The following LSM4 variants were observed in gnomAD, a reference collection of about 807,000 sequenced individuals.
LSM4 encodes the protein U6 snRNA-associated Sm-like protein LSm4.
LSM4 carries 15 observed loss-of-function variants against 22.3 expected under a neutral mutation model. That is an observed-to-expected ratio of 0.67 (90% CI 0.45 to 1.03). The LOEUF is 1.03. Ranked by LOEUF, LSM4 falls within the 50% of genes least tolerant of loss-of-function variation. LSM4 has a pLI of 0.00. For missense variants in LSM4, 127 were observed against 198.0 expected, an observed-to-expected ratio of 0.64 and a Z score of 2.15; for synonymous variants, 90 against 79.8, an observed-to-expected ratio of 1.13 and a Z score of -0.68.
Position 18,307,318 on chromosome 19 carries a change from G to A in LSM4, c.*146C>T. 3.8e-6 allele frequency: 2 copies of A among 527,810 alleles called. No individual in the cohort carries two copies. Among genetic ancestry groups the A allele is most frequent in the Non-Finnish European group, 3.1e-6 (1 of 327,640 alleles). The allele number at this position is 527,810 out of a possible 1,614,324, so 32.7% of individuals were successfully genotyped here. A position where few individuals can be genotyped will look rare whatever the true frequency, so the allele number is the denominator to read the frequency against. Reference sequence around the variant, plus strand: ...TTGCCGGTTTTAGCAAGAAAAAGGGGCTTCACCTAAAAGGGAGGGTCACAA... The same window carrying A: ...TTGCCGGTTTTAGCAAGAAAAAGGGACTTCACCTAAAAGGGAGGGTCACAA... On this transcript the variant is annotated 3_prime_UTR_variant, in exon 5 of 5. Coordinates refer to ENST00000593829, the MANE Select transcript of LSM4 (RefSeq NM_012321.5).
At chr19:18,320,366 GT>G (rs1443758110) in intron 1 of LSM4, among the ~76,000 whole-genome samples, 3 of 152,150 alleles carry the variant, frequency 2.0e-5, no homozygotes, top group Non-Finnish European at 4.4e-5. Context: ...AATTAGCCAG[GT>G]TTAGTGATGC....
At position 18,307,047 on chromosome 19, in the gene LSM4, C is replaced by T. The variant is rs765698529; in HGVS notation, c.*417G>A. The T allele has an allele frequency of 4.7e-5, 8 of 168,472 alleles. No homozygotes were observed. The highest frequency in any genetic ancestry group is 2.0e-4 in the South Asian group (1 of 5,044). The allele number at this position is 168,472 out of a possible 1,614,324, so 10.4% of individuals were successfully genotyped here. ...TTTTGAAGGCAATTTTGGGGCCGCG[C>T]CCAAGGAAACCCTGCAGGCTGTCAG... is the stretch of plus-strand genomic sequence containing the variant. On this transcript the variant is annotated 3_prime_UTR_variant, in exon 5 of 5. Transcript: ENST00000593829.
At chr19:18,315,834 A>T (rs1970348792) in intron 2 of LSM4, among the ~76,000 whole-genome samples, 190 bp downstream of exon 2, 1 of 151,988 alleles carries the variant, frequency 6.6e-6, no homozygotes, top group African/African-American at 2.4e-5. Flanking sequence ...TTAAATTTTT[A>T]GTAAGTATGT....
chr19:18,310,561 C>T (rs1004887606), intron 3 of LSM4, among the ~76,000 whole-genome samples: 3 of 152,176 alleles, frequency 2.0e-5, no homozygotes, highest in African/African-American at 7.2e-5. Context: ...TGCTGCAATG[C>T]CTCCGAGGCC....
At chr19:18,313,138 G>C (rs1970316935) in intron 2 of LSM4, among the ~76,000 whole-genome samples, 1 of 152,212 alleles carries the variant, frequency 6.6e-6, no homozygotes, top group Non-Finnish European at 1.5e-5. Context: ...AGAACTGTTT[G>C]AACCCAGGAG....
intron 1 of LSM4, among the ~76,000 whole-genome samples, chr19:18,316,983 G>A (rs543011400): frequency 5.9e-5 from 9 of 152,130 alleles, no homozygotes; most frequent in African/African-American, 1.4e-4. Flanking sequence ...TGCTGGGCAC[G>A]GTGGTGCGCA....
chr19:18,315,401 T>C (rs1471682250), intron 2 of LSM4, among the ~76,000 whole-genome samples: 1 of 152,180 alleles, frequency 6.6e-6, no homozygotes, highest in Non-Finnish European at 1.5e-5. Flanking sequence ...TCCTCTAGCC[T>C]CAGCCTCCCA....
chr19:18,309,566 G>T, intron 4 of LSM4, 112 bp downstream of exon 4: 1 of 1,200,714 alleles, frequency 8.3e-7, no homozygotes, highest in Non-Finnish European at 1.1e-6. Flanking sequence ...GGGGGGCCCG[G>T]GAGGGTTGGG....
chr19:18,312,269 T>A, intron 3 of LSM4: 1 of 262,622 alleles, frequency 3.8e-6, no homozygotes, highest in East Asian at 9.6e-5. Flanking sequence ...CAGGCTGGAC[T>A]AAAGGCAGCA....
intron 1 of LSM4, among the ~76,000 whole-genome samples, chr19:18,321,199 G>A (rs759381842): frequency 2.0e-5 from 3 of 152,196 alleles, no homozygotes; most frequent in East Asian, 1.9e-4. Context: ...CCCACGCACC[G>A]TTCTACATAC....
intron 4 of LSM4, among the ~76,000 whole-genome samples, chr19:18,307,822 C>T (rs1970247731): frequency 6.6e-6 from 1 of 150,392 alleles, no homozygotes; most frequent in African/African-American, 2.5e-5. Context: ...GACACTAAGT[C>T]ACATTGGGGG....
chr19:18,310,357 TC>T (rs1196749465), intron 3 of LSM4: 3 of 165,720 alleles, frequency 1.8e-5, no homozygotes, highest in Non-Finnish European at 2.6e-5. Context: ...CATCTAAGTA[TC>T]TCCTGACAGG....
intron 3 of LSM4, chr19:18,312,320 C>T: frequency 2.6e-6 from 1 of 385,194 alleles, no homozygotes; most frequent in Non-Finnish European, 4.8e-6. Flanking sequence ...GGGGCTGCCC[C>T]AGCCTGAGCC....
rs375712516 is a variant in LSM4, at chr19:18,317,944, G to A, written c.4-1879C>T. 1.4e-4 allele frequency among the ~76,000 whole-genome samples: 21 copies of A among 152,290 alleles called. No individual in the cohort carries two copies. The East Asian group carries it at 4.0e-3, about 29-fold the overall frequency. On this transcript the variant is annotated intron_variant, in intron 1 of 4. Transcript: ENST00000593829. The stretch of plus-strand genomic sequence containing the variant: ...ATTTTGGAAACAGAAAACTCAACCC[G>A]TACGCTGGGAGCTGCCTCGGGTAAC...
chr19:18,307,950 G>T (rs556439281), intron 4 of LSM4, among the ~76,000 whole-genome samples: 9 of 152,124 alleles, frequency 5.9e-5, no homozygotes, highest in East Asian at 3.9e-4. Flanking sequence ...TCCCTGGCGG[G>T]GGGGGGGCCT....
chr19:18,310,099 T>C (rs1043235895), intron 3 of LSM4: 2 of 533,832 alleles, frequency 3.7e-6, no homozygotes, highest in Non-Finnish European at 6.5e-6. Context: ...CAGCCCCCAT[T>C]GTGCACTCAC....
intron 1 of LSM4, among the ~76,000 whole-genome samples, chr19:18,321,600 T>C (rs1416117037): frequency 6.6e-6 from 1 of 152,318 alleles, no homozygotes; most frequent in Admixed American, 6.5e-5. Context: ...GACTAACAAA[T>C]AAGCTACAAG....
chr19:18,314,892 C>CTT (rs71164394), intron 2 of LSM4, among the ~76,000 whole-genome samples: 13 of 149,410 alleles, frequency 8.7e-5, no homozygotes, highest in South Asian at 6.4e-4. Context: ...TAATATTATC[C>CTT]TTTTTTTTTT....
intron 1 of LSM4, among the ~76,000 whole-genome samples, chr19:18,320,343 C>CA (rs1231120073): frequency 1.3e-5 from 2 of 152,036 alleles, no homozygotes; most frequent in East Asian, 1.9e-4. Flanking sequence ...TCTGTCTCTA[C>CA]AAAAAATCTA....
Sources: gnomAD v4.1 joint callset for allele counts (sites outside exome capture counted in the v4.1 genomes callset) on GRCh38, gnomAD v4.1.1 for gene constraint, MANE v1.5 for transcripts, NCBI Gene and HGNC (gene_info 2026-07-23, HGNC 2026-07-21) for gene names.